MGAT3: variants seen among roughly 807,000 people sequenced by gnomAD.
The protein encoded by MGAT3 is beta-1,4-mannosyl-glycoprotein 4-beta-N-acetylglucosaminyltransferase.
In MGAT3, 9 loss-of-function variants were observed where a neutral mutation model predicts 29.8. The ratio of observed to expected loss-of-function variants is 0.30; its 90% CI spans 0.18 to 0.53. The LOEUF is 0.53. MGAT3 is among the 20% of genes least tolerant of loss of function. The pLI is 0.96. For missense variants in MGAT3, 557 were observed against 769.5 expected, an observed-to-expected ratio of 0.72 and a Z score of 3.27; for synonymous variants, 397 against 348.9, an observed-to-expected ratio of 1.14 and a Z score of -1.54.
chr22:39,459,235 G>A (rs886816946), intron 1 of MGAT3, among the ~76,000 whole-genome samples: 4 of 151,904 alleles, frequency 2.6e-5, no homozygotes, highest in Admixed American at 1.3e-4. Context: ...CACCACACCC[G>A]GCTAATTTTT....
At chr22:39,479,412 G>C (rs1318663498) in intron 1 of MGAT3, among the ~76,000 whole-genome samples, 1 of 152,132 alleles carries the variant, frequency 6.6e-6, no homozygotes, top group Admixed American at 6.5e-5. Context: ...TGGCAGCGGG[G>C]TGGGGGTGGA....
chr22:39,469,505 C>G (rs79840415), intron 1 of MGAT3, among the ~76,000 whole-genome samples: 1 of 152,180 alleles, frequency 6.6e-6, no homozygotes, highest in African/African-American at 2.4e-5. Flanking sequence ...ACCTGCTGCC[C>G]TGTACACATG....
At chr22:39,480,356 C>T (rs1929088337) in intron 1 of MGAT3, among the ~76,000 whole-genome samples, 1 of 152,218 alleles carries the variant, frequency 6.6e-6, no homozygotes, top group Non-Finnish European at 1.5e-5. Context: ...AGGGAAGGCC[C>T]TAAGCCCTCG....
At position 39,488,854 on chromosome 22, in the gene MGAT3, C is replaced by T. The variant is rs761504428; in HGVS notation, c.1507C>T (p.Gln503Ter). The T allele has an allele frequency of 5.0e-6, 8 of 1,606,664 alleles. No individual in the cohort carries two copies. The East Asian group carries it at 1.6e-4, about 32-fold the overall frequency. ...RFHYLLDNPY[Q>*]EPRSTAAGGW... is the part of the protein sequence containing the mutation. Reference sequence around the variant, plus strand: ...CCACTACCTGCTGGACAACCCCTACCAGGAGCCCAGGAGCACGGCGGCGGG... The same window carrying T: ...CCACTACCTGCTGGACAACCCCTACTAGGAGCCCAGGAGCACGGCGGCGGG... Residue 503 changes from glutamine (Q) to a stop codon, truncating the protein, a stop_gained, in exon 2 of 2, where the codon CAG becomes TAG. Coordinates refer to ENST00000341184, the MANE Select transcript of MGAT3 (RefSeq NM_002409.5). LOFTEE classifies it low-confidence loss of function (END_TRUNC).
In MGAT3 at chr22:39,487,818, G is replaced by A; in HGVS notation, c.471G>A (p.Glu157=). 6.7e-6 allele frequency: 10 copies of A among 1,499,368 alleles called. No individual in the cohort carries two copies. The highest frequency in any genetic ancestry group is 2.4e-5 in the Admixed American group (1 of 42,452). The allele number at this position is 1,499,368 out of a possible 1,614,324, so 92.9% of individuals were successfully genotyped here. Residue 157 remains glutamate (E), a synonymous_variant, in exon 2 of 2, where the codon GAG becomes GAA. Transcript: ENST00000341184. The surrounding 1 kb of genome is among the most constrained non-coding windows in gnomAD (Gnocchi z 5.7). ...CCCGGTACCTCCTGAGCGCCCGGGA[G>A]CGCACGGGGGGCCGAGGCGCCCGGC... ...RPPRYLLSAR[E]RTGGRGARRK...
At chr22:39,473,489 C>A (rs904100677) in intron 1 of MGAT3, among the ~76,000 whole-genome samples, 1 of 152,184 alleles carries the variant, frequency 6.6e-6, no homozygotes, top group African/African-American at 2.4e-5. Context: ...AGGGTGGAGC[C>A]CTCACGGCCT....
chr22:39,462,026 C>T (rs773488962), intron 1 of MGAT3, among the ~76,000 whole-genome samples: 7 of 152,134 alleles, frequency 4.6e-5, no homozygotes, highest in Non-Finnish European at 7.4e-5. Flanking sequence ...CTCAGCCTCC[C>T]GAGCAGCTGG....
At chr22:39,472,222 A>G (rs1324673159) in intron 1 of MGAT3, among the ~76,000 whole-genome samples, 2 of 152,034 alleles carry the variant, frequency 1.3e-5, no homozygotes, top group East Asian at 3.9e-4. Flanking sequence ...ACTCCCAGAG[A>G]GACCCAACTC....
intron 1 of MGAT3, among the ~76,000 whole-genome samples, chr22:39,473,865 A>T (rs1928879340): frequency 6.6e-6 from 1 of 151,614 alleles, no homozygotes; most frequent in African/African-American, 2.4e-5. Context: ...GCCTGGATGG[A>T]GGTGTGTGGG....
At chr22:39,466,056 G>A (rs1020680577) in intron 1 of MGAT3, among the ~76,000 whole-genome samples, 1 of 152,176 alleles carries the variant, frequency 6.6e-6, no homozygotes, top group East Asian at 1.9e-4. Flanking sequence ...AAAGGCCTGC[G>A]AGGAAGGCCC....
At position 39,488,852 on chromosome 22, in the gene MGAT3, A is replaced by ACCAGGAGC. The variant is rs778510663; in HGVS notation, c.1514_1521dup (p.Thr508ProfsTer33). ...TTCCACTACCTGCTGGACAACCCCT[A>ACCAGGAGC]CCAGGAGCCCAGGAGCACGGCGGCG... On this transcript the variant is annotated frameshift_variant, in exon 2 of 2. Coordinates refer to ENST00000341184, the MANE Select transcript of MGAT3 (RefSeq NM_002409.5). The ACCAGGAGC allele has an allele frequency of 1.4e-5, 23 of 1,607,680 alleles. No homozygotes were observed. Among genetic ancestry groups the ACCAGGAGC allele is most frequent in the Admixed American group, 1.4e-4 (8 of 59,120 alleles).
rs779509901 is a variant in MGAT3, at chr22:39,470,013, C to T, written c.-2+12456C>T. On this transcript the variant is annotated intron_variant, in intron 1 of 1. Coordinates refer to ENST00000341184, the MANE Select transcript of MGAT3 (RefSeq NM_002409.5). ...TCTGTTGCTGCTTCTCATCTGGGCT[C>T]CTGTGTCTTTGGACTGTTCCATGTC... is the stretch of plus-strand genomic sequence containing the variant. Among the ~76,000 whole-genome samples the T allele has an allele frequency of 3.0e-4, 45 of 152,360 alleles. No individual in the cohort carries two copies. In the Middle Eastern group the frequency reaches 0.01, roughly 35 times the overall value.
At chr22:39,463,177 C>T (rs1416224988) in intron 1 of MGAT3, among the ~76,000 whole-genome samples, 1 of 152,248 alleles carries the variant, frequency 6.6e-6, no homozygotes, top group Non-Finnish European at 1.5e-5. Context: ...ATGTGCTGGG[C>T]CCAGGGCCAA....
At chr22:39,484,876 G>A (rs1330953680) in intron 1 of MGAT3, among the ~76,000 whole-genome samples, 1 of 152,040 alleles carries the variant, frequency 6.6e-6, no homozygotes, top group African/African-American at 2.4e-5. Flanking sequence ...GGTGGCACAC[G>A]CCTGTAATTC....
chr22:39,458,776 G>T (rs1459637250), intron 1 of MGAT3, among the ~76,000 whole-genome samples: 1 of 152,212 alleles, frequency 6.6e-6, no homozygotes, highest in Non-Finnish European at 1.5e-5. Context: ...AGGCTCAGAG[G>T]TGTGAGTGTC....
chr22:39,462,818 A>T (rs1928534255), intron 1 of MGAT3, among the ~76,000 whole-genome samples: 1 of 152,236 alleles, frequency 6.6e-6, no homozygotes. Flanking sequence ...AACAATGGAA[A>T]TCATTCACAC....
intron 1 of MGAT3, among the ~76,000 whole-genome samples, chr22:39,467,338 T>G (rs1037928845): frequency 6.6e-6 from 1 of 150,976 alleles, no homozygotes; most frequent in Admixed American, 6.6e-5. Context: ...GGGAAAGGGG[T>G]GGGGAAGGGA....
intron 1 of MGAT3, among the ~76,000 whole-genome samples, chr22:39,466,794 C>T (rs1368985314): frequency 6.6e-6 from 1 of 152,260 alleles, no homozygotes; most frequent in Admixed American, 6.5e-5. Flanking sequence ...TCCCACTATC[C>T]TCCTACACAC....
rs1928368183 is a variant in MGAT3, at chr22:39,457,579, G to T, written c.-2+22G>T. The T allele has an allele frequency of 6.7e-6, 1 of 149,960 alleles. No homozygotes were observed. Among genetic ancestry groups the T allele is most frequent in the South Asian group, 1.9e-4 (1 of 5,368 alleles). 9.3% of individuals were successfully genotyped at this position (149,960 alleles called of 1,614,324 possible). The stretch of plus-strand genomic sequence containing the variant: ...ATGGGTGAGTTGACCCCGGCGTCCT[G>T]GGGGGCGCCGCGGCCCCTCTATCCC... On this transcript the variant is annotated intron_variant, in intron 1 of 1. Transcript: ENST00000341184. This position sits in a 1 kb window ranked among gnomAD's most constrained non-coding sequence, Gnocchi z 6.8.
Sources: gnomAD v4.1 joint callset for allele counts (sites outside exome capture counted in the v4.1 genomes callset) on GRCh38, gnomAD v4.1.1 for gene constraint, Gnocchi (gnomAD v3.1) non-coding constraint, MANE v1.5 for transcripts, NCBI Gene and HGNC (gene_info 2026-07-23, HGNC 2026-07-21) for gene names.